The following FMNL2 variants were observed in gnomAD, a reference collection of about 807,000 sequenced individuals.
FMNL2 encodes formin-like protein 2.
Under a neutral mutation model 130.2 loss-of-function variants are expected in FMNL2, and 51 were observed. The ratio of observed to expected loss-of-function variants is 0.39; its 90% CI spans 0.31 to 0.49. The LOEUF (loss-of-function observed/expected upper bound fraction) is 0.49, where lower values mean the gene tolerates loss of function less well. FMNL2 is among the 20% of genes least tolerant of loss of function. The pLI is 0.85. For missense variants in FMNL2, 977 were observed against 1,316.2 expected (o/e 0.74, Z 3.99); for synonymous variants, 465 against 467.1 (o/e 1.00, Z 0.06).
intron 1 of FMNL2, among the ~76,000 whole-genome samples, chr2:152,447,144 G>A (rs922349500): frequency 6.6e-6 from 1 of 151,878 alleles, no homozygotes; most frequent in Non-Finnish European, 1.5e-5. Flanking sequence ...TGTTGCCCAG[G>A]CTGTAGGGTA....
At chr2:152,447,229 T>G (rs1217693998) in intron 1 of FMNL2, among the ~76,000 whole-genome samples, 1 of 152,060 alleles carries the variant, frequency 6.6e-6, no homozygotes, top group Non-Finnish European at 1.5e-5. Flanking sequence ...GCTTCTCCAG[T>G]AGTCGGGATT....
chr2:152,606,756 G>A (rs1259008924), intron 9 of FMNL2, among the ~76,000 whole-genome samples: 2 of 149,436 alleles, frequency 1.3e-5, no homozygotes, highest in African/African-American at 4.9e-5. Context: ...TTAATTAGCT[G>A]AATGCATATG....
At chr2:152,375,323 G>A (rs1214598735) in intron 1 of FMNL2, among the ~76,000 whole-genome samples, 1 of 152,232 alleles carries the variant, frequency 6.6e-6, no homozygotes, top group East Asian at 1.9e-4. Flanking sequence ...TAGCTCTTCA[G>A]CCTCTGAAGG....
At chr2:152,643,555 G>GT in intron 25 of FMNL2, 1 of 1,535,272 alleles carries the variant, frequency 6.5e-7, no homozygotes, top group Non-Finnish European at 8.7e-7. Flanking sequence ...GTTGCTACAG[G>GT]TTTTTTGATG....
chr2:152,505,874 A>G (rs952410365), intron 1 of FMNL2, among the ~76,000 whole-genome samples: 1 of 152,238 alleles, frequency 6.6e-6, no homozygotes, highest in Non-Finnish European at 1.5e-5. Context: ...GGGCGGCCAT[A>G]TAATTGATCA....
intron 1 of FMNL2, among the ~76,000 whole-genome samples, chr2:152,494,563 G>A (rs766756463): frequency 5.9e-5 from 9 of 152,116 alleles, no homozygotes; most frequent in Admixed American, 1.3e-4. Flanking sequence ...AAACTGCTAC[G>A]AGTTTCTCTC....
chr2:152,404,981 G>A (rs1290802974), intron 1 of FMNL2, among the ~76,000 whole-genome samples: 1 of 152,184 alleles, frequency 6.6e-6, no homozygotes, highest in South Asian at 2.1e-4. Flanking sequence ...ACTGACGGGG[G>A]TTCTTACCAG....
At chr2:152,479,744 T>A in intron 1 of FMNL2, among the ~76,000 whole-genome samples, 1 of 136,472 alleles carries the variant, frequency 7.3e-6, no homozygotes, top group African/African-American at 2.7e-5. Flanking sequence ...TTTTTTTTAC[T>A]CTGTCATCCA....
At chr2:152,421,051 A>G (rs1686890685) in intron 1 of FMNL2, among the ~76,000 whole-genome samples, 2 of 152,196 alleles carry the variant, frequency 1.3e-5, no homozygotes, top group Admixed American at 1.3e-4. Flanking sequence ...AATACTGTGT[A>G]AGCATTGTTA....
At chr2:152,533,195 T>C (rs1693803714) in intron 2 of FMNL2, among the ~76,000 whole-genome samples, 1 of 152,178 alleles carries the variant, frequency 6.6e-6, no homozygotes, top group African/African-American at 2.4e-5. Flanking sequence ...AATTTTACAG[T>C]TTTGGTTCTT....
intron 1 of FMNL2, chr2:152,390,323 A>T (rs1685042438): frequency 8.2e-7 from 1 of 1,216,814 alleles, no homozygotes; most frequent in South Asian, 1.2e-5. Context: ...AAGTGAAGGT[A>T]GGGGAGAGCT....
intron 1 of FMNL2, among the ~76,000 whole-genome samples, chr2:152,486,019 G>A (rs1022707746): frequency 2.0e-5 from 3 of 152,196 alleles, no homozygotes; most frequent in Admixed American, 1.3e-4. Flanking sequence ...ATAATTGCTT[G>A]ATTTCATGGA....
intron 1 of FMNL2, among the ~76,000 whole-genome samples, chr2:152,411,915 G>A (rs1218198997): frequency 6.6e-6 from 1 of 152,170 alleles, no homozygotes; most frequent in Non-Finnish European, 1.5e-5. Context: ...GTGGGGCTGT[G>A]TGTTAGCCCT....
intron 9 of FMNL2, among the ~76,000 whole-genome samples, chr2:152,586,826 A>G (rs1348885757): frequency 6.6e-6 from 1 of 151,866 alleles, no homozygotes; most frequent in African/African-American, 2.4e-5. Context: ...AACTGTTGCA[A>G]TTTTTTGCTG....
chr2:152,540,013 C>T (rs1246792714), intron 2 of FMNL2, among the ~76,000 whole-genome samples: 1 of 152,116 alleles, frequency 6.6e-6, no homozygotes. Flanking sequence ...TTGCTTGAAC[C>T]TGGGAAGTCG....
chr2:152,433,187 T>C (rs1361627097), intron 1 of FMNL2, among the ~76,000 whole-genome samples: 1 of 152,110 alleles, frequency 6.6e-6, no homozygotes, highest in African/African-American at 2.4e-5. Flanking sequence ...TGGAACTAAC[T>C]AATGAAGGAA....
chr2:152,627,564 G>T (rs771895670), intron 17 of FMNL2, among the ~76,000 whole-genome samples: 50 of 152,268 alleles, frequency 3.3e-4, no homozygotes, highest in Non-Finnish European at 5.9e-4. Context: ...AGTCTGTTCT[G>T]ATTTCTGTCA....
intron 2 of FMNL2, among the ~76,000 whole-genome samples, chr2:152,525,641 A>G (rs1693348955): frequency 6.6e-6 from 1 of 152,226 alleles, no homozygotes; most frequent in Non-Finnish European, 1.5e-5. Flanking sequence ...AGCAGATTAA[A>G]AAACAAAACA....
intron 1 of FMNL2, among the ~76,000 whole-genome samples, chr2:152,436,328 T>C (rs1687762566): frequency 1.3e-5 from 2 of 152,122 alleles, no homozygotes; most frequent in Non-Finnish European, 2.9e-5. Flanking sequence ...TTTCCAATTT[T>C]GTAGAAATGA....
Sources: allele counts gnomAD v4.1 joint callset (sites outside exome capture counted in the v4.1 genomes callset), GRCh38; gene constraint gnomAD v4.1.1; transcripts MANE v1.5; gene names NCBI Gene and HGNC (gene_info 2026-07-23, HGNC 2026-07-21).